Variants in PRSS41 observed in about 807,000 individuals in gnomAD.
PRSS41 encodes protease, serine 41.
PRSS41 carries 37 observed loss-of-function variants against 28.8 expected under a neutral mutation model. That is an observed-to-expected ratio of 1.29 (90% CI 0.99 to 1.69). PRSS41 has a LOEUF of 1.69. Ranked by LOEUF, PRSS41 falls within the 40% of genes most tolerant of loss-of-function variation. PRSS41 has a pLI of 0.00. For missense variants in PRSS41, 431 were observed against 400.7 expected, an observed-to-expected ratio of 1.08 and a Z score of -0.65; for synonymous variants, 195 against 163.1, an observed-to-expected ratio of 1.20 and a Z score of -1.49.
At chr16:2,803,401 T>C (rs953292706) in intron 4 of PRSS41, among the ~76,000 whole-genome samples, 1 of 152,174 alleles carries the variant, frequency 6.6e-6, no homozygotes, top group Non-Finnish European at 1.5e-5. Context: ...TACTTTGAAT[T>C]TATACTAACT....
At chr16:2,805,287 A>G in exon 6 of PRSS41, 1 of 624,526 alleles carries the variant, frequency 1.6e-6, no homozygotes, top group Non-Finnish European at 2.8e-6. Flanking sequence ...TTGCTAATAA[A>G]TACGTGTGCA....
chr16:2,804,570 G>T, intron 5 of PRSS41, 24 bp downstream of exon 5: 1 of 1,548,654 alleles, frequency 6.5e-7, no homozygotes, highest in African/African-American at 1.4e-5. Context: ...CCCCACCAGG[G>T]AATCCCACCC....
At chr16:2,802,688 C>G (rs920254844) in intron 4 of PRSS41, among the ~76,000 whole-genome samples, 1 of 152,226 alleles carries the variant, frequency 6.6e-6, no homozygotes, top group Non-Finnish European at 1.5e-5. Context: ...GAGACCGGCC[C>G]GGCCAACACA....
rs749855145 is a variant in PRSS41 at position 2,804,891 on chromosome 16, G to A, written c.700-23G>A. On this transcript the variant is annotated intron_variant, in intron 5 of 5. Coordinates refer to ENST00000399677, the Ensembl canonical transcript of PRSS41. ...GCCCCACCCACTCTGCCCCAGCCTGGGCTCACCCATGCTGCTCCCCAGGGT... is the reference window on the plus strand; with the variant it reads ...GCCCCACCCACTCTGCCCCAGCCTGAGCTCACCCATGCTGCTCCCCAGGGT... 3.8e-5 allele frequency: 60 copies of A among 1,559,934 alleles called. 1 individual carries two copies. In the South Asian group the frequency reaches 5.9e-4, roughly 15 times the overall value.
At chr16:2,799,595 G>C (rs2150797822) in intron 4 of PRSS41, 26 bp downstream of exon 4, 4 of 1,547,774 alleles carry the variant, frequency 2.6e-6, no homozygotes, top group Non-Finnish European at 3.5e-6. Context: ...GACCGGGTGG[G>C]GTGATGGGGG....
chr16:2,800,895 C>T (rs1228595803), intron 4 of PRSS41, among the ~76,000 whole-genome samples: 1 of 152,070 alleles, frequency 6.6e-6, no homozygotes, highest in Non-Finnish European at 1.5e-5. Flanking sequence ...TATTTTCTTT[C>T]TTTATATCCT....
At chr16:2,800,496 T>C (rs1267324013) in intron 4 of PRSS41, among the ~76,000 whole-genome samples, 3 of 134,532 alleles carry the variant, frequency 2.2e-5, no homozygotes, top group Non-Finnish European at 4.5e-5. Flanking sequence ...CGAGCCGAGA[T>C]GGCACCACTG....
intron 2 of PRSS41, 36 bp from the exon 3 acceptor site, chr16:2,798,923 C>A: frequency 1.3e-6 from 2 of 1,510,768 alleles, no homozygotes; most frequent in Non-Finnish European, 1.8e-6. Context: ...CCCCACCCCA[C>A]CCGGCAGCTC....
At chr16:2,801,312 A>G (rs1198887351) in intron 4 of PRSS41, among the ~76,000 whole-genome samples, 1 of 151,586 alleles carries the variant, frequency 6.6e-6, no homozygotes, top group Non-Finnish European at 1.5e-5. Context: ...TTTTATCAAT[A>G]TGTAATGTTG....
chr16:2,800,849 C>G (rs921714889), intron 4 of PRSS41, among the ~76,000 whole-genome samples: 3 of 152,142 alleles, frequency 2.0e-5, no homozygotes, highest in African/African-American at 7.2e-5. Context: ...TAGCAGCTAC[C>G]TTAAGACACA....
chr16:2,800,169 A>C (rs529569409), intron 4 of PRSS41, among the ~76,000 whole-genome samples: 137 of 152,364 alleles, frequency 9.0e-4, no homozygotes, highest in African/African-American at 3.0e-3. Context: ...ACTAAATACC[A>C]GAGCAGTTGT....
Position 2,802,184 on chromosome 16 carries a change from C to T in PRSS41, c.542-2205C>T, listed in dbSNP as rs1357174081. On this transcript the variant is annotated intron_variant, in intron 4 of 5. Transcript: ENST00000399677. ...CTCAGACGGGGTGGCCGGGCAGAGA[C>T]GCTCCTCACCTCCCAGACAGGGTCG... Among the ~76,000 whole-genome samples the T allele has an allele frequency of 6.6e-4, 98 of 147,682 alleles. 1 individual carries two copies. Among genetic ancestry groups the T allele is most frequent in the African/African-American group, 2.3e-3 (92 of 39,638 alleles).
intron 4 of PRSS41, among the ~76,000 whole-genome samples, chr16:2,803,064 A>G (rs1026128549): frequency 1.3e-5 from 2 of 152,174 alleles, no homozygotes; most frequent in African/African-American, 2.4e-5. Flanking sequence ...AGGAGCACCT[A>G]TCTGGATCCA....
At chr16:2,800,948 C>G (rs1022797759) in intron 4 of PRSS41, among the ~76,000 whole-genome samples, 2 of 151,988 alleles carry the variant, frequency 1.3e-5, no homozygotes, top group Non-Finnish European at 2.9e-5. Flanking sequence ...ATGGAACATA[C>G]AACATATGAT....
chr16:2,799,153 G>C, intron 3 of PRSS41, 29 bp downstream of exon 3: 1 of 1,506,664 alleles, frequency 6.6e-7, no homozygotes, highest in Non-Finnish European at 8.9e-7. Context: ...CGGGGCCTCA[G>C]ACTTGCTAAT....
intron 4 of PRSS41, among the ~76,000 whole-genome samples, chr16:2,802,801 A>G (rs2068998395): frequency 6.6e-6 from 1 of 151,960 alleles, no homozygotes; most frequent in Non-Finnish European, 1.5e-5. Context: ...GGGAGGTTGC[A>G]GTGAGCCGAG....
At chr16:2,799,091 G>T in exon 3 of PRSS41, 5 of 1,532,394 alleles carry the variant, frequency 3.3e-6, no homozygotes, top group Middle Eastern at 1.8e-4. Context: ...CTCAGCCGCC[G>T]CTGGGTGCTC....
chr16:2,799,545 T>A, exon 4 of PRSS41: 1 of 1,551,600 alleles, frequency 6.4e-7, no homozygotes, highest in Non-Finnish European at 8.7e-7. Flanking sequence ...GGTGACCGGC[T>A]GGGGGTTAAT....
At chr16:2,804,391 C>A in exon 5 of PRSS41, 3 of 1,551,468 alleles carry the variant, frequency 1.9e-6, no homozygotes, top group Non-Finnish European at 2.6e-6. Context: ...ATCTCCAGCA[C>A]CTCTGCCACC....
Sources: gnomAD v4.1 joint callset for allele counts (sites outside exome capture counted in the v4.1 genomes callset) on GRCh38, gnomAD v4.1.1 for gene constraint, MANE v1.5 for transcripts, NCBI Gene and HGNC (gene_info 2026-07-23, HGNC 2026-07-21) for gene names.